Variants in SAMTOR observed in about 807,000 individuals in gnomAD.
The protein encoded by SAMTOR is UPF0532 protein C7orf60.
the SAMTOR span, among the ~76,000 whole-genome samples, chr7:112,869,222 C>G: frequency 6.6e-6 from 1 of 152,150 alleles, no homozygotes; most frequent in Non-Finnish European, 1.5e-5. Flanking sequence ...GGCAGCAGCT[C>G]TACATGCTGG....
chr7:112,876,932 C>T, the SAMTOR span, among the ~76,000 whole-genome samples: 9 of 152,308 alleles, frequency 5.9e-5, no homozygotes, highest in South Asian at 1.9e-3. Flanking sequence ...AATATTAGCT[C>T]TGAGATAAAT....
chr7:112,894,366 T>G, the SAMTOR span, among the ~76,000 whole-genome samples: 1 of 152,180 alleles, frequency 6.6e-6, no homozygotes, highest in South Asian at 2.1e-4. Flanking sequence ...CAAAGATCAC[T>G]GATCACAGAT....
At chr7:112,835,076 A>G in the SAMTOR span, among the ~76,000 whole-genome samples, 35 of 152,138 alleles carry the variant, frequency 2.3e-4, no homozygotes, top group African/African-American at 8.4e-4. Context: ...ATAAAAACAT[A>G]GTATGTATAG....
chr7:112,828,045 C>T, the SAMTOR span, among the ~76,000 whole-genome samples: 12 of 152,164 alleles, frequency 7.9e-5, no homozygotes, highest in Non-Finnish European at 1.6e-4. Flanking sequence ...TGGTTGACTG[C>T]ATCCACAGAT....
At chr7:112,914,400 C>A in the SAMTOR span, among the ~76,000 whole-genome samples, 1 of 150,354 alleles carries the variant, frequency 6.7e-6, no homozygotes. Flanking sequence ...AGTACCCAAT[C>A]GGGAGTTTTT....
At chr7:112,916,806 C>T in the SAMTOR span, among the ~76,000 whole-genome samples, 11 of 152,342 alleles carry the variant, frequency 7.2e-5, no homozygotes, top group South Asian at 2.1e-4. Context: ...ACACCTGACT[C>T]GGAGGGTCCT....
At chr7:112,860,406 G>A in the SAMTOR span, among the ~76,000 whole-genome samples, 1,621 of 152,164 alleles carry the variant, frequency 0.011, 30 homozygotes, top group African/African-American at 0.037. Flanking sequence ...TGATGGTTGA[G>A]CTTTCTGTTT....
At chr7:112,887,508 T>C in the SAMTOR span, among the ~76,000 whole-genome samples, 22 of 152,296 alleles carry the variant, frequency 1.4e-4, no homozygotes, top group Non-Finnish European at 2.6e-4. Flanking sequence ...GAACAGATTG[T>C]AGAGAACTGG....
At chr7:112,935,110 T>C in the SAMTOR span, 1 of 317,466 alleles carries the variant, frequency 3.1e-6, no homozygotes, top group East Asian at 9.9e-5. Flanking sequence ...AGGCAAATAT[T>C]CTATCACAAA....
the SAMTOR span, among the ~76,000 whole-genome samples, chr7:112,874,338 C>G: frequency 6.6e-6 from 1 of 152,118 alleles, no homozygotes; most frequent in African/African-American, 2.4e-5. Flanking sequence ...TACATGTGTA[C>G]CACAGAATAC....
At chr7:112,857,710 TAA>T in the SAMTOR span, among the ~76,000 whole-genome samples, 64 of 152,300 alleles carry the variant, frequency 4.2e-4, no homozygotes, top group Middle Eastern at 3.4e-3. Context: ...ATAAAAATGT[TAA>T]GTTAGTCTAT....
At chr7:112,851,143 T>TA in the SAMTOR span, among the ~76,000 whole-genome samples, 1 of 152,166 alleles carries the variant, frequency 6.6e-6, no homozygotes, top group Non-Finnish European at 1.5e-5. Flanking sequence ...AAAATGACTA[T>TA]ACAGCCCAAA....
the SAMTOR span, among the ~76,000 whole-genome samples, chr7:112,919,362 G>T: frequency 6.6e-6 from 1 of 152,226 alleles, no homozygotes; most frequent in East Asian, 1.9e-4. Context: ...GGTACATAAT[G>T]AAATGAAGGC....
chr7:112,890,517 C>T, the SAMTOR span, among the ~76,000 whole-genome samples: 1 of 151,818 alleles, frequency 6.6e-6, no homozygotes, highest in African/African-American at 2.4e-5. Flanking sequence ...AATTATGAGA[C>T]ATGCAAAGAA....
the SAMTOR span, among the ~76,000 whole-genome samples, chr7:112,831,257 GA>G: frequency 6.6e-6 from 1 of 152,030 alleles, no homozygotes; most frequent in Non-Finnish European, 1.5e-5. Flanking sequence ...TGTTATTCTG[GA>G]AAAAAGTCTT....
At chr7:112,917,149 T>A in the SAMTOR span, among the ~76,000 whole-genome samples, 23 of 152,288 alleles carry the variant, frequency 1.5e-4, no homozygotes, top group African/African-American at 5.3e-4. Context: ...GACTGCCTCC[T>A]CAAGTGGGTC....
chr7:112,924,685 C>G, the SAMTOR span, among the ~76,000 whole-genome samples: 1 of 151,950 alleles, frequency 6.6e-6, no homozygotes, highest in Non-Finnish European at 1.5e-5. Flanking sequence ...TAACTATTAA[C>G]TTAAAAAAAG....
chr7:112,927,265 AT>A, the SAMTOR span, among the ~76,000 whole-genome samples: 242 of 152,148 alleles, frequency 1.6e-3, 2 homozygotes, highest in Middle Eastern at 6.8e-3. Context: ...AATTTTAAGG[AT>A]TTTTTTATCA....
chr7:112,855,327 A>G, the SAMTOR span, among the ~76,000 whole-genome samples: 1 of 152,248 alleles, frequency 6.6e-6, no homozygotes, highest in Non-Finnish European at 1.5e-5. Flanking sequence ...GCTGGGTAAC[A>G]AACTACCACA....
Sources: allele counts gnomAD v4.1 joint callset (sites outside exome capture counted in the v4.1 genomes callset), GRCh38; gene constraint gnomAD v4.1.1; transcripts MANE v1.5; gene names NCBI Gene and HGNC (gene_info 2026-07-23, HGNC 2026-07-21).